PTPRT: variants seen among roughly 807,000 people sequenced by gnomAD.
PTPRT encodes protein tyrosine phosphatase receptor type T, also known as receptor-type tyrosine-protein phosphatase T.
PTPRT carries 56 observed loss-of-function variants against 176.8 expected under a neutral mutation model. The observed-to-expected ratio is 0.32, with a 90% CI of 0.26 to 0.40. The LOEUF is 0.40. Among genes scored for constraint, PTPRT ranks in the 10% least tolerant of loss-of-function variants. PTPRT has a pLI of 1.00. For missense variants in PTPRT, 1,540 were observed against 1,908.2 expected (o/e 0.81, Z 3.60); for synonymous variants, 783 against 739.0 (o/e 1.06, Z -0.96).
At chr20:42,790,350 A>T (rs1452191845) in intron 3 of PTPRT, among the ~76,000 whole-genome samples, 1 of 152,124 alleles carries the variant, frequency 6.6e-6, no homozygotes, top group East Asian at 1.9e-4. Context: ...CAAGGAGATA[A>T]GGAAGGAAAG....
chr20:42,892,331 T>C (rs1170540348), intron 1 of PTPRT, among the ~76,000 whole-genome samples: 2 of 152,180 alleles, frequency 1.3e-5, no homozygotes, highest in Non-Finnish European at 2.9e-5. Context: ...GGAGCCAAGA[T>C]GTGAGCCCTA....
chr20:42,574,533 T>C (rs984995173), intron 7 of PTPRT, among the ~76,000 whole-genome samples: 1 of 152,098 alleles, frequency 6.6e-6, no homozygotes, highest in Non-Finnish European at 1.5e-5. Context: ...GCACCCAATG[T>C]CCCTGCAAGT....
chr20:42,671,797 GATAA>G (rs2146040787), intron 7 of PTPRT, among the ~76,000 whole-genome samples: 1 of 152,194 alleles, frequency 6.6e-6, no homozygotes, highest in Admixed American at 6.5e-5. Flanking sequence ...GAAACAAAAT[GATAA>G]ATAAAAATAT....
chr20:42,466,491 A>T (rs2145906454), intron 8 of PTPRT, among the ~76,000 whole-genome samples: 1 of 152,324 alleles, frequency 6.6e-6, no homozygotes, highest in Non-Finnish European at 1.5e-5. Flanking sequence ...CAGCCTAAGG[A>T]GATAAAAACT....
At chr20:42,317,876 A>G (rs1159628415) in intron 11 of PTPRT, among the ~76,000 whole-genome samples, 1 of 152,210 alleles carries the variant, frequency 6.6e-6, no homozygotes, top group Non-Finnish European at 1.5e-5. Flanking sequence ...CCTGTTGTAC[A>G]TACACATCTG....
At chr20:42,087,324 G>A (rs541039176) in intron 27 of PTPRT, among the ~76,000 whole-genome samples, 4 of 152,134 alleles carry the variant, frequency 2.6e-5, no homozygotes, top group South Asian at 2.1e-4. Flanking sequence ...TCTGCCTCCC[G>A]GGTTCAAGTG....
intron 1 of PTPRT, among the ~76,000 whole-genome samples, chr20:42,894,698 C>T (rs1479394413): frequency 1.3e-5 from 2 of 152,192 alleles, no homozygotes; most frequent in African/African-American, 4.8e-5. Context: ...AGTGGCTGCA[C>T]AGTTCTTCCC....
At chr20:42,999,108 G>A (rs1464742858) in intron 1 of PTPRT, among the ~76,000 whole-genome samples, 6 of 152,166 alleles carry the variant, frequency 3.9e-5, no homozygotes, top group Non-Finnish European at 1.5e-5. Flanking sequence ...ATGGAGGTAG[G>A]CATGAGGAAA....
intron 7 of PTPRT, among the ~76,000 whole-genome samples, chr20:42,518,321 A>T (rs768968646): frequency 6.8e-4 from 104 of 152,024 alleles, no homozygotes; most frequent in Non-Finnish European, 1.1e-3. Flanking sequence ...ATTTTTTTTT[A>T]AATCTAGGAG....
chr20:42,364,252 C>A (rs910586790), intron 9 of PTPRT, among the ~76,000 whole-genome samples: 1 of 152,086 alleles, frequency 6.6e-6, no homozygotes, highest in Non-Finnish European at 1.5e-5. Flanking sequence ...TGGGCCAGTG[C>A]GGGGCTGAAG....
chr20:42,884,808 G>A (rs1268306131), intron 2 of PTPRT, among the ~76,000 whole-genome samples: 4 of 152,152 alleles, frequency 2.6e-5, no homozygotes, highest in Non-Finnish European at 1.5e-5. Context: ...CCAACAAGCA[G>A]TTGTCTTTAC....
chr20:42,110,829 AT>A (rs2059868852), intron 22 of PTPRT, among the ~76,000 whole-genome samples: 1 of 152,120 alleles, frequency 6.6e-6, no homozygotes. Context: ...TAGGAGGTGT[AT>A]TGAGTACGGA....
At chr20:42,402,174 G>A (rs1568848295) in intron 9 of PTPRT, among the ~76,000 whole-genome samples, 1 of 152,168 alleles carries the variant, frequency 6.6e-6, no homozygotes, top group Admixed American at 6.5e-5. Context: ...GAAGGACAGA[G>A]ACTCAGAGCC....
chr20:42,452,254 T>A (rs1033309861), intron 8 of PTPRT, among the ~76,000 whole-genome samples: 2 of 146,172 alleles, frequency 1.4e-5, no homozygotes, highest in Admixed American at 1.4e-4. Flanking sequence ...AGTGACAGAC[T>A]GAGACTCCAT....
intron 7 of PTPRT, among the ~76,000 whole-genome samples, chr20:42,548,588 A>C (rs1302045294): frequency 2.0e-5 from 3 of 152,170 alleles, no homozygotes; most frequent in Non-Finnish European, 4.4e-5. Context: ...TGGAGGACTT[A>C]AGACTTGAAA....
the PTPRT span, among the ~76,000 whole-genome samples, chr20:42,047,372 C>G: frequency 6.6e-6 from 1 of 152,206 alleles, no homozygotes; most frequent in Non-Finnish European, 1.5e-5. Flanking sequence ...GGCTGTCAGA[C>G]AGCTTGGCAA....
chr20:42,229,250 T>C (rs1172903607), intron 15 of PTPRT, among the ~76,000 whole-genome samples: 1 of 151,984 alleles, frequency 6.6e-6, no homozygotes, highest in African/African-American at 2.4e-5. Flanking sequence ...ATCTGGGGGG[T>C]GAGGCTCAGG....
chr20:42,518,311 A>AT (rs950655052), intron 7 of PTPRT, among the ~76,000 whole-genome samples: 3 of 151,340 alleles, frequency 2.0e-5, no homozygotes, highest in East Asian at 1.9e-4. Flanking sequence ...ATAAAACTGG[A>AT]TTTTTTTTTA....
In PTPRT at chr20:42,627,486, G is replaced by A. The variant is rs1291231263; in HGVS notation, c.1153+50380C>T. On this transcript the variant is annotated intron_variant, in intron 7 of 30. Transcript: ENST00000373187. The stretch of plus-strand genomic sequence containing the variant: ...GAGGTCTCACTGTGTTACCTAGGTT[G>A]GTCTTGAACTCCTGGCATCAAGCAA... Among the ~76,000 whole-genome samples the A allele has an allele frequency of 2.0e-5, 3 of 152,048 alleles. No individual in the cohort carries two copies. The East Asian group carries it at 5.8e-4, about 30-fold the overall frequency.
Sources: gnomAD v4.1 joint callset for allele counts (sites outside exome capture counted in the v4.1 genomes callset) on GRCh38, gnomAD v4.1.1 for gene constraint, MANE v1.5 for transcripts, NCBI Gene and HGNC (gene_info 2026-07-23, HGNC 2026-07-21) for gene names.